The following CERKL variants were observed in gnomAD, a reference collection of about 807,000 sequenced individuals.
CERKL encodes CERK like autophagy regulator.
In CERKL, 61 loss-of-function variants were observed where a neutral mutation model predicts 63.4. The ratio of observed to expected loss-of-function variants is 0.96; its 90% CI spans 0.78 to 1.19. The LOEUF is 1.19. Ranked by LOEUF, CERKL falls within the 50% of genes most tolerant of loss-of-function variation. The probability of loss-of-function intolerance (pLI) is 0.00; values close to 1 mark genes in which losing one functional copy is unlikely to be tolerated. For synonymous variants in CERKL, 250 were observed against 230.5 expected (o/e 1.08, Z -0.77); for missense variants, 675 against 655.5 (o/e 1.03, Z -0.33).
chr2:181,618,670 G>A (rs896207058), intron 1 of CERKL, among the ~76,000 whole-genome samples: 5 of 152,080 alleles, frequency 3.3e-5, no homozygotes, highest in East Asian at 1.9e-4. Context: ...CCTCGGCCTC[G>A]CATAGTGTTG....
At chr2:181,617,770 GAT>G (rs1686262551) in intron 1 of CERKL, among the ~76,000 whole-genome samples, 2 of 152,146 alleles carry the variant, frequency 1.3e-5, no homozygotes, top group African/African-American at 2.4e-5. Flanking sequence ...CAATTAAATA[GAT>G]ATGTTTTCAG....
chr2:181,546,887 G>C (rs1687746468), intron 10 of CERKL, among the ~76,000 whole-genome samples: 1 of 152,194 alleles, frequency 6.6e-6, no homozygotes, highest in African/African-American at 2.4e-5. Context: ...GTTTGGCTTT[G>C]TGTTCCCACT....
chr2:181,604,428 C>A (rs927882487), intron 1 of CERKL, among the ~76,000 whole-genome samples: 1 of 152,040 alleles, frequency 6.6e-6, no homozygotes, highest in African/African-American at 2.4e-5. Context: ...GCCCTTTATG[C>A]CAGTCCCTAC....
In CERKL at chr2:181,612,373, G is replaced by C. The variant is rs550552102; in HGVS notation, c.239-8294C>G. 1.4e-4 allele frequency among the ~76,000 whole-genome samples: 22 copies of C among 152,146 alleles called. 1 individual carries two copies. Among genetic ancestry groups the C allele is most frequent in the African/African-American group, 7.2e-5 (3 of 41,518 alleles). On this transcript the variant is annotated intron_variant, in intron 1 of 12. Coordinates refer to ENST00000410087, the MANE Select transcript of CERKL (RefSeq NM_201548.5). ...CTCACATAACCACTATCCCAATAAAGATACAGAATTTTCCCACTATTATAG... is the reference window on the plus strand; with the variant it reads ...CTCACATAACCACTATCCCAATAAACATACAGAATTTTCCCACTATTATAG...
In CERKL at chr2:181,655,214, T is replaced by A. The variant is rs574695638; in HGVS notation, c.238+1555A>T. On this transcript the variant is annotated intron_variant, in intron 1 of 12. Coordinates refer to ENST00000410087, the MANE Select transcript of CERKL (RefSeq NM_201548.5). ...AACTCTACTGCCAGGGGTGCACTAATTAAACCTATTTTACCTTAATCACCA... is the reference window on the plus strand; with the variant it reads ...AACTCTACTGCCAGGGGTGCACTAAATAAACCTATTTTACCTTAATCACCA... Among the ~76,000 whole-genome samples, 22 of 152,368 alleles carry A rather than the reference T, an allele frequency of 1.4e-4. No homozygotes were observed. In the South Asian group the frequency reaches 4.6e-3, roughly 32 times the overall value.
chr2:181,644,769 AC>A (rs2105522504), intron 1 of CERKL, among the ~76,000 whole-genome samples: 1 of 152,094 alleles, frequency 6.6e-6, no homozygotes, highest in East Asian at 1.9e-4. Flanking sequence ...TAAAGAGAAA[AC>A]AACTGTAATG....
chr2:181,550,849 T>C lies in CERKL; in HGVS notation c.821-1141A>G, dbSNP rs144676107. On this transcript the variant is annotated intron_variant, in intron 5 of 12. Transcript: ENST00000410087. The surrounding 1 kb of genome is among the most constrained non-coding windows in gnomAD (Gnocchi z 4.5). ...ATTAATTATAAATAAGCACAATTAC[T>C]TCTAGTAATACCAGTGCAAAGAAAA... Among the ~76,000 whole-genome samples the C allele has an allele frequency of 1.3e-3, 195 of 152,282 alleles. No individual in the cohort carries two copies. The highest frequency in any genetic ancestry group is 4.4e-3 in the African/African-American group (185 of 41,574).
chr2:181,596,754 A>G (rs950155500), intron 2 of CERKL, among the ~76,000 whole-genome samples: 1 of 152,170 alleles, frequency 6.6e-6, no homozygotes, highest in African/African-American at 2.4e-5. Flanking sequence ...TGCTGATGAG[A>G]TCTTGGCTGT....
chr2:181,631,027 G>A (rs1686934729), intron 1 of CERKL, among the ~76,000 whole-genome samples: 1 of 152,122 alleles, frequency 6.6e-6, no homozygotes, highest in Non-Finnish European at 1.5e-5. Flanking sequence ...ATTATATTGG[G>A]AGGCCATTGA....
intron 1 of CERKL, among the ~76,000 whole-genome samples, chr2:181,625,379 AT>A (rs1367374164): frequency 3.0e-4 from 45 of 152,208 alleles, no homozygotes; most frequent in African/African-American, 1.1e-3. Context: ...AAAAAAAAAA[AT>A]AAATGGGACC....
At chr2:181,612,126 T>C (rs1347998996) in intron 1 of CERKL, among the ~76,000 whole-genome samples, 4 of 152,210 alleles carry the variant, frequency 2.6e-5, no homozygotes, top group African/African-American at 7.2e-5. Flanking sequence ...AAGTAACTTG[T>C]CTGTGGTCAC....
At position 181,539,139 on chromosome 2, in the gene CERKL, C is replaced by T; in HGVS notation, c.1491G>A (p.Trp497Ter). The T allele has an allele frequency of 6.2e-7, 1 of 1,609,216 alleles. No individual in the cohort carries two copies. The highest frequency in any genetic ancestry group is 8.5e-7 in the Non-Finnish European group (1 of 1,175,740). Residue 497 changes from tryptophan to a stop codon, truncating the protein, a stop_gained, in exon 12 of 13, where the codon TGG becomes TGA. Coordinates refer to ENST00000410087, the MANE Select transcript of CERKL (RefSeq NM_201548.5). LOFTEE classifies it high-confidence loss of function. ...CTTCCATTAAGTCACCATCTACATTCCAAGGGAAACAATTTTCTGAAGCAG... is the reference window on the plus strand; with the variant it reads ...CTTCCATTAAGTCACCATCTACATTTCAAGGGAAACAATTTTCTGAAGCAG... ...DETASENCFPWNVDGDLMEVA... is the reference protein window; with the variant it reads ...DETASENCFP
intron 2 of CERKL, among the ~76,000 whole-genome samples, chr2:181,588,214 C>G (rs1684845976): frequency 6.6e-6 from 1 of 152,176 alleles, no homozygotes; most frequent in South Asian, 2.1e-4. Context: ...TTCCTCCTAT[C>G]TAACTGAAAT....
intron 2 of CERKL, among the ~76,000 whole-genome samples, chr2:181,580,363 T>C (rs1351081862): frequency 6.7e-6 from 1 of 150,040 alleles, no homozygotes; most frequent in Non-Finnish European, 1.5e-5. Flanking sequence ...AAACTATTGA[T>C]TTCTATACCT....
At position 181,538,256 on chromosome 2, in the gene CERKL, A is replaced by C. The variant is rs1401135544; in HGVS notation, c.1539-12T>G. 1.3e-6 allele frequency: 2 copies of C among 1,527,244 alleles called. No homozygotes were observed. Among genetic ancestry groups the C allele is most frequent in the South Asian group, 1.1e-5 (1 of 89,072 alleles). The allele number at this position is 1,527,244 out of a possible 1,614,324, so 94.6% of individuals were successfully genotyped here. On this transcript the variant is annotated splice_polypyrimidine_tract_variant and intron_variant, in intron 12 of 12. Transcript: ENST00000410087. The stretch of plus-strand genomic sequence containing the variant: ...GTCTTGGATGCAATCTGTAAAGAAA[A>C]TACATTATTTCATCAACTTATTTTG...
At chr2:181,591,677 A>G (rs937754040) in intron 2 of CERKL, among the ~76,000 whole-genome samples, 1 of 152,176 alleles carries the variant, frequency 6.6e-6, no homozygotes, top group African/African-American at 2.4e-5. Flanking sequence ...AGTTCTTAAT[A>G]TGGAAGAAAG....
chr2:181,572,521 T>G (rs527723089), intron 3 of CERKL, among the ~76,000 whole-genome samples: 1 of 152,180 alleles, frequency 6.6e-6, no homozygotes, highest in Non-Finnish European at 1.5e-5. Context: ...TTTAATTGTC[T>G]CACCCTAATA....
chr2:181,650,527 G>A (rs1038574801), intron 1 of CERKL, among the ~76,000 whole-genome samples: 67 of 152,170 alleles, frequency 4.4e-4, no homozygotes, highest in African/African-American at 1.5e-3. Flanking sequence ...GGGAGGCCAC[G>A]GCAGGCAGAA....
At chr2:181,641,862 T>C (rs567761422) in intron 1 of CERKL, among the ~76,000 whole-genome samples, 69 of 152,304 alleles carry the variant, frequency 4.5e-4, no homozygotes, top group African/African-American at 1.5e-3. Flanking sequence ...ACTTCAGATA[T>C]AGTGCACTCC....
Sources: gnomAD v4.1 joint callset for allele counts (sites outside exome capture counted in the v4.1 genomes callset) on GRCh38, gnomAD v4.1.1 for gene constraint, Gnocchi (gnomAD v3.1) non-coding constraint, MANE v1.5 for transcripts, NCBI Gene and HGNC (gene_info 2026-07-23, HGNC 2026-07-21) for gene names.